The following B3GALT9 variants were observed in gnomAD, a reference collection of about 807,000 sequenced individuals.
B3GALT9 encodes the protein beta-1,3-galactosyltransferase 9.
Position 120,799,639 on chromosome 9 carries a change from G to A in B3GALT9, c.1071G>A (p.Met357Ile). 2.5e-6 allele frequency: 1 copy of A among 399,276 alleles called. No homozygotes were observed. 24.7% of individuals were successfully genotyped at this position (399,276 alleles called of 1,614,324 possible). The change falls in exon 3 of 3, where the codon ATG (methionine) becomes ATA (isoleucine). Residue 357 changes from methionine (M) to isoleucine (I), a missense_variant. Transcript: ENST00000689072. ...TTGACAGCTTTAAACGTTTTCACATGGGGACCATAAAAAACAATCTCATGT... is the reference window on the plus strand; with the variant it reads ...TTGACAGCTTTAAACGTTTTCACATAGGGACCATAAAAAACAATCTCATGT... ...TYLDSFKRFH[M>I]GTIKNNLMYF...
In B3GALT9 at chr9:120,801,180, G is replaced by T. The variant is rs1193204016; in HGVS notation, c.*1502G>T. Among the ~76,000 whole-genome samples, 1 of 152,184 alleles carries T rather than the reference G, an allele frequency of 6.6e-6. No individual in the cohort carries two copies. Among genetic ancestry groups the T allele is most frequent in the Non-Finnish European group, 1.5e-5 (1 of 68,036 alleles). The stretch of plus-strand genomic sequence containing the variant: ...TGCTGCATTGAATGTGGGGAGTGCA[G>T]ATATCTCTTTAACATACTGATTTAA... On this transcript the variant is annotated 3_prime_UTR_variant, in exon 3 of 3. Coordinates refer to ENST00000689072, the MANE Select transcript of B3GALT9 (RefSeq NM_001386823.1).
At chr9:120,796,683 A>G (rs1434716507) in intron 2 of B3GALT9, 74 bp downstream of exon 2, 2 of 152,206 alleles carry the variant, frequency 1.3e-5, no homozygotes, top group Admixed American at 1.3e-4. Context: ...ATTTTTTTCT[A>G]TGTGTAAATG....
In B3GALT9 at chr9:120,800,947, T is replaced by TA. The variant is rs774681326; in HGVS notation, c.*1270dup. Among the ~76,000 whole-genome samples the TA allele has an allele frequency of 2.6e-5, 4 of 152,232 alleles. No individual in the cohort carries two copies. The highest frequency in any genetic ancestry group is 4.4e-5 in the Non-Finnish European group (3 of 68,032). On this transcript the variant is annotated 3_prime_UTR_variant, in exon 3 of 3. Coordinates refer to ENST00000689072, the MANE Select transcript of B3GALT9 (RefSeq NM_001386823.1). ...AATTTGAGTTTTTTTACACTCCACA[T>TA]ATAAGTGAGCTCATGTGCTTATTTG...
chr9:120,798,861 C>A lies in B3GALT9; in HGVS notation c.293C>A (p.Thr98Lys), dbSNP rs1174160941. 1.0e-5 allele frequency: 4 copies of A among 399,038 alleles called. No individual in the cohort carries two copies. The highest frequency in any genetic ancestry group is 8.2e-5 in the African/African-American group (4 of 48,590). The allele number at this position is 399,038 out of a possible 1,614,324, so 24.7% of individuals were successfully genotyped here. ...SLIFSSPGNG[T>K]RRDLIRKTWG... ...ATCTTCAGTAGCCCAGGAAATGGAACAAGACGGGACCTCATTAGGAAAACT... is the reference window on the plus strand; with the variant it reads ...ATCTTCAGTAGCCCAGGAAATGGAAAAAGACGGGACCTCATTAGGAAAACT... Residue 98 changes from threonine to lysine, a missense_variant, in exon 3 of 3, where the codon ACA (threonine) becomes AAA (lysine). Thr to Lys is a moderately conservative substitution (Grantham distance 78, BLOSUM62 -1). Coordinates refer to ENST00000689072, the MANE Select transcript of B3GALT9 (RefSeq NM_001386823.1).
In B3GALT9 at chr9:120,801,472, G is replaced by A. The variant is rs1305220431; in HGVS notation, c.*1794G>A. Among the ~76,000 whole-genome samples the A allele has an allele frequency of 6.6e-6, 1 of 152,190 alleles. No homozygotes were observed. Among genetic ancestry groups the A allele is most frequent in the African/African-American group, 2.4e-5 (1 of 41,448 alleles). On this transcript the variant is annotated 3_prime_UTR_variant, in exon 3 of 3. Transcript: ENST00000689072. Reference sequence around the variant, plus strand: ...CAGGTTATTTGGGCAGGGCACAGTGGCTCATGGCTGTAATCCCAGCACTTT... The same window carrying A: ...CAGGTTATTTGGGCAGGGCACAGTGACTCATGGCTGTAATCCCAGCACTTT...
intron 1 of B3GALT9, 125 bp downstream of exon 1, chr9:120,794,047 T>G (rs1033901292): frequency 3.0e-5 from 5 of 166,060 alleles, no homozygotes; most frequent in African/African-American, 1.2e-4. Flanking sequence ...TGCATAGCAA[T>G]TATAGTGAGG....
intron 1 of B3GALT9, among the ~76,000 whole-genome samples, chr9:120,795,518 A>G (rs1450193044): frequency 6.6e-6 from 1 of 152,272 alleles, no homozygotes; most frequent in African/African-American, 2.4e-5. Flanking sequence ...AATTCAGAAT[A>G]TGTAAAAATT....
chr9:120,794,506 TTGTGTGTGTGTGTGTGTGTGTG>T (rs10589412), intron 1 of B3GALT9, among the ~76,000 whole-genome samples: 11 of 142,062 alleles, frequency 7.7e-5, no homozygotes, highest in Admixed American at 6.3e-4. Context: ...GCCCAGCTAG[TTGTGTGTGTGTGTGTGTGTGTG>T]TGTGTGTGTG....
At chr9:120,795,711 G>A (rs911357733) in intron 1 of B3GALT9, among the ~76,000 whole-genome samples, 1 of 152,206 alleles carries the variant, frequency 6.6e-6, no homozygotes, top group Non-Finnish European at 1.5e-5. Context: ...TTGAAGGAAA[G>A]GACGAAATAT....
chr9:120,795,588 G>A, intron 1 of B3GALT9, among the ~76,000 whole-genome samples: 1 of 152,124 alleles, frequency 6.6e-6, no homozygotes, highest in East Asian at 1.9e-4. Context: ...TTTCAAGATT[G>A]TATGATGGTT....
chr9:120,799,244 G>T lies in B3GALT9; in HGVS notation c.676G>T (p.Asp226Tyr). 2.5e-6 allele frequency: 1 copy of T among 399,240 alleles called. No homozygotes were observed. The highest frequency in any genetic ancestry group is 1.3e-4 in the South Asian group (1 of 7,842). The allele number at this position is 399,240 out of a possible 1,614,324, so 24.7% of individuals were successfully genotyped here. The change falls in exon 3 of 3, where the codon GAC becomes TAC. Residue 226 changes from aspartate to tyrosine, a missense_variant. Asp to Tyr is a radical substitution (Grantham distance 160). Coordinates refer to ENST00000689072, the MANE Select transcript of B3GALT9 (RefSeq NM_001386823.1). ...VTPNRDPQNR[D>Y]FVPLSEYPEK... Reference sequence around the variant, plus strand: ...ACCCAATAGAGATCCTCAGAACAGAGACTTTGTCCCTCTTAGTGAGTACCC... The same window carrying T: ...ACCCAATAGAGATCCTCAGAACAGATACTTTGTCCCTCTTAGTGAGTACCC...
chr9:120,795,818 T>C (rs1424508615), intron 1 of B3GALT9, among the ~76,000 whole-genome samples: 1 of 152,250 alleles, frequency 6.6e-6, no homozygotes, highest in African/African-American at 2.4e-5. Context: ...ATAAACTTGC[T>C]GGTAGAAATG....
chr9:120,798,243 A>G (rs145934364), intron 2 of B3GALT9, among the ~76,000 whole-genome samples: 7 of 152,330 alleles, frequency 4.6e-5, no homozygotes, highest in Admixed American at 6.5e-5. Flanking sequence ...TCTGTGTCCA[A>G]TTCTTCTTGG....
chr9:120,794,246 A>T (rs1473823411), intron 1 of B3GALT9, among the ~76,000 whole-genome samples: 1 of 152,202 alleles, frequency 6.6e-6, no homozygotes, highest in East Asian at 1.9e-4. Flanking sequence ...AGATGGGGAA[A>T]CTGAAATCAA....
At position 120,801,348 on chromosome 9, in the gene B3GALT9, G is replaced by A. The variant is rs1330877797; in HGVS notation, c.*1670G>A. ...TGGTTTTACTTTGCATTTCCCTGAT[G>A]ATTAGTGGTATTGAGCATTTTTTTT... On this transcript the variant is annotated 3_prime_UTR_variant, in exon 3 of 3. Coordinates refer to ENST00000689072, the MANE Select transcript of B3GALT9 (RefSeq NM_001386823.1). Among the ~76,000 whole-genome samples the A allele has an allele frequency of 6.6e-6, 1 of 152,290 alleles. No homozygotes were observed. The highest frequency in any genetic ancestry group is 1.9e-4 in the East Asian group (1 of 5,192).
chr9:120,799,520 A>G lies in B3GALT9; in HGVS notation c.952A>G (p.Met318Val). The change falls in exon 3 of 3, where the codon ATG becomes GTG. Residue 318 changes from methionine to valine, a missense_variant. Transcript: ENST00000689072. ...ATCCTCAGAAATTGCAGATCCTGAA[A>G]TGCCCCTAGCATGGAAGGAAATTAA... is the stretch of plus-strand genomic sequence containing the variant. ...FTSSEIADPE[M>V]PLAWKEINDG... The G allele has an allele frequency of 2.5e-6, 1 of 399,722 alleles. No homozygotes were observed. Among genetic ancestry groups the G allele is most frequent in the Non-Finnish European group, 4.4e-6 (1 of 226,210 alleles). The allele number at this position is 399,722 out of a possible 1,614,324, so 24.8% of individuals were successfully genotyped here. A position where few individuals can be genotyped will look rare whatever the true frequency, so the allele number is the denominator to read the frequency against.
intron 2 of B3GALT9, among the ~76,000 whole-genome samples, chr9:120,796,886 G>T (rs537759897): frequency 2.0e-5 from 3 of 151,694 alleles, no homozygotes; most frequent in Admixed American, 6.6e-5. Flanking sequence ...GTGAAACTCC[G>T]TCTCTACTAC....
Position 120,796,005 on chromosome 9 carries a change from A to G in B3GALT9, c.-181-418A>G, listed in dbSNP as rs115248467. Reference sequence around the variant, plus strand: ...ATTTAGTAAAGTGCTTGCATAGCCAATACTAGGGATTCTGAATCCTTCCCA... The same window carrying G: ...ATTTAGTAAAGTGCTTGCATAGCCAGTACTAGGGATTCTGAATCCTTCCCA... On this transcript the variant is annotated intron_variant, in intron 1 of 2. Coordinates refer to ENST00000689072, the MANE Select transcript of B3GALT9 (RefSeq NM_001386823.1). 9.3e-3 allele frequency among the ~76,000 whole-genome samples: 1,420 copies of G among 152,298 alleles called. 24 individuals are homozygous for G. The highest frequency in any genetic ancestry group is 0.033 in the African/African-American group (1,363 of 41,566).
In B3GALT9 at chr9:120,798,759, G is replaced by T. The variant is rs547265324; in HGVS notation, c.191G>T (p.Arg64Ile). Reference sequence around the variant, plus strand: ...AGAAAATTGAACATCGAACCCCTAAGAAGTAATCTCTCCAAATATTATGTC... The same window carrying T: ...AGAAAATTGAACATCGAACCCCTAATAAGTAATCTCTCCAAATATTATGTC... ...KARKLNIEPL[R>I]SNLSKYYVLS... The change falls in exon 3 of 3, where the codon AGA becomes ATA. Residue 64 changes from arginine to isoleucine, a missense_variant. Arg to Ile is a moderately conservative substitution (Grantham distance 97, BLOSUM62 -3). Coordinates refer to ENST00000689072, the MANE Select transcript of B3GALT9 (RefSeq NM_001386823.1). 1 of 399,032 alleles carries T rather than the reference G, an allele frequency of 2.5e-6. No individual in the cohort carries two copies. The highest frequency in any genetic ancestry group is 4.4e-6 in the Non-Finnish European group (1 of 226,062). 24.7% of individuals were successfully genotyped at this position (399,032 alleles called of 1,614,324 possible). A position where few individuals can be genotyped will look rare whatever the true frequency, so the allele number is the denominator to read the frequency against.
Sources: gnomAD v4.1 joint callset for allele counts (sites outside exome capture counted in the v4.1 genomes callset) on GRCh38, gnomAD v4.1.1 for gene constraint, MANE v1.5 for transcripts, NCBI Gene and HGNC (gene_info 2026-07-23, HGNC 2026-07-21) for gene names.